Variants in PHF19 observed in about 807,000 individuals in gnomAD.
The protein encoded by PHF19 is polycomb like 3.
Under a neutral mutation model 79.8 loss-of-function variants are expected in PHF19, and 21 were observed. The observed-to-expected ratio is 0.26, with a 90% confidence interval of 0.19 to 0.38. The LOEUF (loss-of-function observed/expected upper bound fraction) is 0.38. Among genes scored for constraint, PHF19 ranks in the 10% least tolerant of loss-of-function variants. The pLI, the probability that PHF19 is intolerant of heterozygous loss-of-function variation, is 1.00. For synonymous variants in PHF19, 273 were observed against 296.3 expected (o/e 0.92, Z 0.81); for missense variants, 445 against 744.2 (o/e 0.60, Z 4.68).
chr9:120,877,392 C>T (rs1383500221), upstream of PHF19: 10 of 978,042 alleles, frequency 1.0e-5, no homozygotes, highest in East Asian at 1.1e-4. Flanking sequence ...CCGGCCTCGC[C>T]ATTGGAGCCC....
Position 120,862,643 on chromosome 9 carries a change from G to A in PHF19, c.1075C>T (p.Pro359Ser), listed in dbSNP as rs2045567466. Residue 359 changes from proline (P) to serine (S), a missense_variant, in exon 11 of 15, where the codon CCA (proline) becomes TCA (serine). This residue lies in a region of PHF19 where 83 missense variants were observed against 85.5 expected (regional missense o/e 0.97). Transcript: ENST00000373896. This position sits in a 1 kb window ranked among gnomAD's most constrained non-coding sequence, Gnocchi z 4.6. ...GKLLPDKGLL[P>S]NENSASSELR... The stretch of plus-strand genomic sequence containing the variant: ...TCAGAGGAGGCGCTGTTCTCATTTG[G>A]CAGCAGTCCTTTGTCAGGCAGCAGC... 2 of 1,614,168 alleles carry A rather than the reference G, an allele frequency of 1.2e-6. No homozygotes were observed. The highest frequency in any genetic ancestry group is 1.7e-6 in the Non-Finnish European group (2 of 1,180,006).
chr9:120,864,965 GA>G (rs1564497153), intron 9 of PHF19, among the ~76,000 whole-genome samples: 1 of 151,554 alleles, frequency 6.6e-6, no homozygotes, highest in African/African-American at 2.4e-5. Context: ...AAAAAAATTA[GA>G]AAAAAGTTAC....
At chr9:120,902,567 C>G in the PHF19 span, 1 of 151,864 alleles carries the variant, frequency 6.6e-6, no homozygotes. Context: ...TCCAGTTCAT[C>G]TGACCCTTCT....
At chr9:120,880,364 G>A (rs541993581), upstream of PHF19, among the ~76,000 whole-genome samples, 10 of 152,264 alleles carry the variant, frequency 6.6e-5, no homozygotes, top group Middle Eastern at 3.4e-3. Context: ...GCATGGTGGC[G>A]TGTGCCTGTA....
At chr9:120,900,900 T>A in the PHF19 span, among the ~76,000 whole-genome samples, 1 of 152,202 alleles carries the variant, frequency 6.6e-6, no homozygotes, top group African/African-American at 2.4e-5. Context: ...TCTCTTACAA[T>A]CAGGAATTAG....
At chr9:120,877,622 G>A (rs1425358646), upstream of PHF19, among the ~76,000 whole-genome samples, 3 of 152,202 alleles carry the variant, frequency 2.0e-5, no homozygotes, top group Admixed American at 6.5e-5. Flanking sequence ...GCGGACCCTG[G>A]CACAGACACA....
At chr9:120,900,488 C>A in the PHF19 span, among the ~76,000 whole-genome samples, 1 of 152,200 alleles carries the variant, frequency 6.6e-6, no homozygotes, top group African/African-American at 2.4e-5. Context: ...AAAATGTTCC[C>A]AGTAGTACTC....
chr9:120,882,503 C>G (rs1388360296), intron 1 of PHF19, among the ~76,000 whole-genome samples: 2 of 152,264 alleles, frequency 1.3e-5, no homozygotes, highest in Non-Finnish European at 2.9e-5. Flanking sequence ...ACATCATTTT[C>G]TTTCAGAAAT....
At position 120,869,923 on chromosome 9, in the gene PHF19, G is replaced by A. The variant is rs1402925051; in HGVS notation, c.387C>T (p.Ile129=). 1.9e-6 allele frequency: 3 copies of A among 1,586,358 alleles called. No homozygotes were observed. Among genetic ancestry groups the A allele is most frequent in the Non-Finnish European group, 2.6e-6 (3 of 1,166,868 alleles). The change falls in exon 5 of 15, where the codon ATC becomes ATT. Residue 129 remains isoleucine, a synonymous_variant. Coordinates refer to ENST00000373896, the MANE Select transcript of PHF19 (RefSeq NM_015651.3). This position sits in a 1 kb window ranked among gnomAD's most constrained non-coding sequence, Gnocchi z 5.8. The part of the protein sequence containing the change: ...CGLGYHQQCH[I]PIAGSADQPL... The stretch of plus-strand genomic sequence containing the variant: ...GCTGGTCAGCACTGCCCGCTATGGG[G>A]ATGTGGCACTGCTGGTGGTAACCTA...
In PHF19 at chr9:120,866,609, G is replaced by A. The variant is rs2045710272; in HGVS notation, c.710+261C>T. Among the ~76,000 whole-genome samples the A allele has an allele frequency of 6.6e-6, 1 of 152,196 alleles. No individual in the cohort carries two copies. The highest frequency in any genetic ancestry group is 1.5e-5 in the Non-Finnish European group (1 of 68,036). ...CAGACACTTAAGAGACTAGGGCATA[G>A]GGAAGGCAGGCATTTATCTAAGGTA... is the stretch of plus-strand genomic sequence containing the variant. On this transcript the variant is annotated intron_variant, in intron 7 of 14. Coordinates refer to ENST00000373896, the MANE Select transcript of PHF19 (RefSeq NM_015651.3). The surrounding 1 kb of genome is among the most constrained non-coding windows in gnomAD (Gnocchi z 5.2).
upstream of PHF19, among the ~76,000 whole-genome samples, chr9:120,895,880 T>C (rs1211552473): frequency 2.6e-5 from 4 of 152,226 alleles, no homozygotes; most frequent in Admixed American, 1.3e-4. Context: ...CTTGAATTCC[T>C]GACCTCAAGT....
chr9:120,870,319 T>C lies in PHF19; in HGVS notation c.364+124A>G, dbSNP rs1049945422. 1.4e-6 allele frequency: 1 copy of C among 699,836 alleles called. No homozygotes were observed. The highest frequency in any genetic ancestry group is 2.5e-6 in the Non-Finnish European group (1 of 392,542). The allele number at this position is 699,836 out of a possible 1,614,324, so 43.4% of individuals were successfully genotyped here. On this transcript the variant is annotated intron_variant, in intron 4 of 14. Transcript: ENST00000373896. This position sits in a 1 kb window ranked among gnomAD's most constrained non-coding sequence, Gnocchi z 4.4. ...TACAGCAACTGGCCCCCTTTCACCC[T>C]GCAGTGCCAAGAGAAACAGGAAGCC...
chr9:120,876,270 T>G lies in PHF19; in HGVS notation c.-16+821A>C, dbSNP rs2046047440. On this transcript the variant is annotated intron_variant, in intron 1 of 14. Coordinates refer to ENST00000373896, the MANE Select transcript of PHF19 (RefSeq NM_015651.3). ...GGGCAGGGGATGCGGTCTGAATCCCTGTCCTCTCCCTGCCACCTGGCTCGC... is the reference window on the plus strand; with the variant it reads ...GGGCAGGGGATGCGGTCTGAATCCCGGTCCTCTCCCTGCCACCTGGCTCGC... 1.3e-5 allele frequency: 2 copies of G among 152,386 alleles called. 1 individual carries two copies. Among genetic ancestry groups the G allele is most frequent in the South Asian group, 4.1e-4 (2 of 4,826 alleles). The allele number at this position is 152,386 out of a possible 1,614,324, so 9.4% of individuals were successfully genotyped here.
Position 120,861,121 on chromosome 9 carries a change from G to A in PHF19, c.1272C>T (p.Asp424=), listed in dbSNP as rs1248584265. ...STNHHLASIF[D]FTLDEIQSLK... ...AACTTTGAATTTCATCCAGCGTGAA[G>A]TCAAATATGCTAGCCAGGTGGTGGT... The change falls in exon 13 of 15, where the codon GAC becomes GAT. Residue 424 remains aspartate, a synonymous_variant. Coordinates refer to ENST00000373896, the MANE Select transcript of PHF19 (RefSeq NM_015651.3). 6.2e-7 allele frequency: 1 copy of A among 1,610,352 alleles called. No individual in the cohort carries two copies. The highest frequency in any genetic ancestry group is 1.1e-5 in the South Asian group (1 of 91,002).
intron 1 of PHF19, chr9:120,876,453 C>G (rs796660248): frequency 6.6e-6 from 1 of 151,188 alleles, no homozygotes; most frequent in Non-Finnish European, 1.5e-5. Flanking sequence ...GGGTGGCGCC[C>G]CCCCAGCCCC....
At chr9:120,894,576 G>A (rs954078137) in intron 1 of PHF19, among the ~76,000 whole-genome samples, 13 of 152,130 alleles carry the variant, frequency 8.5e-5, no homozygotes, top group Admixed American at 2.6e-4. Flanking sequence ...CGCGGCGGGA[G>A]GCCCCTGATA....
At chr9:120,886,443 G>A (rs2046264157) in intron 1 of PHF19, among the ~76,000 whole-genome samples, 1 of 152,208 alleles carries the variant, frequency 6.6e-6, no homozygotes, top group African/African-American at 2.4e-5. Flanking sequence ...GTGGGTGGGG[G>A]GAAGCATTCC....
In PHF19 at chr9:120,860,261, C is replaced by T; in HGVS notation, c.1305-76G>A. On this transcript the variant is annotated intron_variant, in intron 13 of 14. Transcript: ENST00000373896. The surrounding 1 kb of genome is among the most constrained non-coding windows in gnomAD (Gnocchi z 4.1). ...CTGCCAACCTGGCCCGCAGGTTCCC[C>T]TAACATGCATCCTTCATCCCAGTGG... 1 of 762,532 alleles carries T rather than the reference C, an allele frequency of 1.3e-6. No individual in the cohort carries two copies. The highest frequency in any genetic ancestry group is 1.7e-5 in the African/African-American group (1 of 58,224). The allele number at this position is 762,532 out of a possible 1,614,324, so 47.2% of individuals were successfully genotyped here. A position where few individuals can be genotyped will look rare whatever the true frequency, so the allele number is the denominator to read the frequency against.
intron 10 of PHF19, chr9:120,863,047 C>T (rs1163958665): frequency 2.6e-6 from 1 of 385,258 alleles, no homozygotes; most frequent in African/African-American, 2.1e-5. Flanking sequence ...GGAAGCCCTC[C>T]TCCAGCTTAC....
Sources: allele counts gnomAD v4.1 joint callset (sites outside exome capture counted in the v4.1 genomes callset), GRCh38; gene constraint gnomAD v4.1.1; regional missense constraint gnomAD v4.1.1; non-coding constraint Gnocchi (gnomAD v3.1); transcripts MANE v1.5; gene names NCBI Gene and HGNC (gene_info 2026-07-23, HGNC 2026-07-21).